Variants in SMPD4 observed in about 807,000 individuals in gnomAD.
The protein encoded by SMPD4 is neutral sphingomyelinase 3.
A neutral mutation model predicts 97.8 loss-of-function variants in SMPD4; 58 were observed. That is an observed-to-expected ratio of 0.59 (90% confidence interval 0.48 to 0.74). The LOEUF (loss-of-function observed/expected upper bound fraction) is 0.74. Among genes scored for constraint, SMPD4 ranks in the 30% least tolerant of loss-of-function variants. The pLI, the probability that SMPD4 is intolerant of heterozygous loss-of-function variation, is 0.00. For missense variants in SMPD4, 853 were observed against 1,080.5 expected, an observed-to-expected ratio of 0.79 and a Z score of 2.95; for synonymous variants, 388 against 450.0, an observed-to-expected ratio of 0.86 and a Z score of 1.74.
intron 5 of SMPD4, 86 bp downstream of exon 5, chr2:130,173,193 G>A: frequency 1.3e-5 from 17 of 1,311,950 alleles, no homozygotes; most frequent in East Asian, 2.3e-5. Flanking sequence ...TTTGCCCTCA[G>A]AGGACTGGAG....
In SMPD4 at chr2:130,179,949, G is replaced by A. The variant is rs1308558428; in HGVS notation, c.-46+1581C>T. ...ATTACAGACGTGAGTCACCATGCCC[G>A]GCCGCTTTTTCTTTTTTCTCCTTTT... On this transcript the variant is annotated intron_variant, in intron 1 of 19. Transcript: ENST00000680298. 2.0e-5 allele frequency among the ~76,000 whole-genome samples: 3 copies of A among 149,908 alleles called. 1 individual carries two copies. The highest frequency in any genetic ancestry group is 4.3e-4 in the South Asian group (2 of 4,692).
chr2:130,180,365 CG>C (rs566169868), intron 1 of SMPD4, among the ~76,000 whole-genome samples: 146 of 151,456 alleles, frequency 9.6e-4, no homozygotes, highest in African/African-American at 3.4e-3. Flanking sequence ...CTCCGCCTCG[CG>C]GGTGCAAGCA....
intron 1 of SMPD4, among the ~76,000 whole-genome samples, chr2:130,179,994 C>T (rs557178237): frequency 1.4e-5 from 2 of 140,662 alleles, no homozygotes; most frequent in Non-Finnish European, 3.0e-5. Context: ...GAGATGGTCT[C>T]GCTCTGTCGC....
intron 10 of SMPD4, among the ~76,000 whole-genome samples, chr2:130,163,877 G>A (rs1387752870): frequency 6.6e-6 from 1 of 152,240 alleles, no homozygotes; most frequent in Non-Finnish European, 1.5e-5. Flanking sequence ...CATGCAGGGG[G>A]GCACCAGGTG....
intron 9 of SMPD4, among the ~76,000 whole-genome samples, chr2:130,166,173 G>C (rs1047690702): frequency 2.0e-5 from 3 of 151,890 alleles, no homozygotes; most frequent in Admixed American, 6.6e-5. Context: ...GCTGAGCATG[G>C]CAGTGGGCAC....
At chr2:130,165,819 C>T (rs1055574730) in intron 9 of SMPD4, among the ~76,000 whole-genome samples, 5 of 152,150 alleles carry the variant, frequency 3.3e-5, no homozygotes, top group Non-Finnish European at 5.9e-5. Flanking sequence ...TCCTTTCCTG[C>T]TGGGCCTCCC....
intron 11 of SMPD4, chr2:130,159,435 T>C (rs1687170396): frequency 6.6e-6 from 1 of 151,964 alleles, no homozygotes; most frequent in Non-Finnish European, 1.5e-5. Context: ...GGTCAGGAGT[T>C]TGAGACCAGC....
chr2:130,164,504 G>A (rs1687737688), intron 9 of SMPD4, 59 bp from the exon 10 acceptor site: 3 of 1,405,906 alleles, frequency 2.1e-6, no homozygotes, highest in Non-Finnish European at 3.0e-6. Context: ...ACCATCCAGT[G>A]GGGAAAGGAC....
At chr2:130,156,762 T>A in intron 12 of SMPD4, 87 bp from the exon 13 acceptor site, 2 of 1,559,006 alleles carry the variant, frequency 1.3e-6, no homozygotes, top group Non-Finnish European at 1.7e-6. Context: ...TCAGTGAGGG[T>A]TGGCTCCGCC....
At position 130,161,235 on chromosome 2, in the gene SMPD4, G is replaced by A. The variant is rs776288070; in HGVS notation, c.902C>T (p.Ala301Val). 2.5e-6 allele frequency: 4 copies of A among 1,614,020 alleles called. No individual in the cohort carries two copies. The highest frequency in any genetic ancestry group is 2.2e-5 in the East Asian group (1 of 44,856). ...VLHYRLSVSS[A>V]LYSPAQPSLQ... Reference sequence around the variant, plus strand: ...GCTGGGTTGGGCGGGGCTGTAGAGGGCGCTGGAGACACTGAGTCGGTAGTG... The same window carrying A: ...GCTGGGTTGGGCGGGGCTGTAGAGGACGCTGGAGACACTGAGTCGGTAGTG... Residue 301 changes from alanine (A) to valine (V), a missense_variant, in exon 11 of 20, where the codon GCC (alanine) becomes GTC (valine). By Grantham distance (64) the Ala-to-Val change is moderately conservative. Coordinates refer to ENST00000680298, the MANE Select transcript of SMPD4 (RefSeq NM_017951.5).
At chr2:130,158,271 G>A in intron 11 of SMPD4, 2 of 1,283,944 alleles carry the variant, frequency 1.6e-6, no homozygotes, top group Non-Finnish European at 2.0e-6. Flanking sequence ...GGGACCTGTG[G>A]TCAGGAAAAC....
At chr2:130,176,706 G>A in intron 1 of SMPD4, 69 bp from the exon 2 acceptor site, 9 of 1,327,146 alleles carry the variant, frequency 6.8e-6, no homozygotes, top group Non-Finnish European at 9.6e-6. Flanking sequence ...TATTTTTTTA[G>A]AGACAGGGTC....
Position 130,152,493 on chromosome 2 carries a change from C to T in SMPD4, c.*62G>A. ...CCTGGAGGGGCTTCCCAGGTCCTCTCAGCCCAAGGGTGGGGCTGTGTGGCA... is the reference window on the plus strand; with the variant it reads ...CCTGGAGGGGCTTCCCAGGTCCTCTTAGCCCAAGGGTGGGGCTGTGTGGCA... On this transcript the variant is annotated 3_prime_UTR_variant, in exon 20 of 20. Transcript: ENST00000680298. 2 of 1,456,650 alleles carry T rather than the reference C, an allele frequency of 1.4e-6. No homozygotes were observed. Among genetic ancestry groups the T allele is most frequent in the Non-Finnish European group, 1.8e-6 (2 of 1,092,084 alleles). 90.2% of individuals were successfully genotyped at this position (1,456,650 alleles called of 1,614,324 possible). A position where few individuals can be genotyped will look rare whatever the true frequency, so the allele number is the denominator to read the frequency against.
intron 1 of SMPD4, among the ~76,000 whole-genome samples, chr2:130,178,101 C>T (rs1689145931): frequency 6.6e-6 from 1 of 152,194 alleles, no homozygotes; most frequent in Non-Finnish European, 1.5e-5. Context: ...GAAGCAGCTT[C>T]TTCCCTAGAG....
At chr2:130,156,767 T>G in intron 12 of SMPD4, 92 bp from the exon 13 acceptor site, 1 of 1,555,894 alleles carries the variant, frequency 6.4e-7, no homozygotes, top group Non-Finnish European at 8.7e-7. Context: ...GAGGGTTGGC[T>G]CCGCCGGGGG....
At chr2:130,173,776 T>A in intron 3 of SMPD4, 120 bp from the exon 4 acceptor site, 2 of 1,346,960 alleles carry the variant, frequency 1.5e-6, no homozygotes, top group Non-Finnish European at 2.1e-6. Context: ...CTAAGACCTA[T>A]GGGATCAGCC....
chr2:130,156,166 T>G (rs1686773595), intron 13 of SMPD4, 31 bp from the exon 14 acceptor site: 4 of 1,576,698 alleles, frequency 2.5e-6, no homozygotes, highest in Non-Finnish European at 3.5e-6. Flanking sequence ...AAGGGCTCCG[T>G]GGCTGGGGGC....
intron 10 of SMPD4, among the ~76,000 whole-genome samples, chr2:130,163,233 G>A (rs768838080): frequency 4.6e-5 from 7 of 152,248 alleles, no homozygotes; most frequent in Non-Finnish European, 8.8e-5. Flanking sequence ...CCCAGGCACC[G>A]GCCAGGAACA....
In SMPD4 at chr2:130,161,295, G is replaced by C. The variant is rs1041959628; in HGVS notation, c.865-23C>G. The C allele has an allele frequency of 1.9e-6, 3 of 1,607,300 alleles. No homozygotes were observed. In the African/African-American group the frequency reaches 4.0e-5, roughly 22 times the overall value. On this transcript the variant is annotated intron_variant, in intron 10 of 19. Coordinates refer to ENST00000680298, the MANE Select transcript of SMPD4 (RefSeq NM_017951.5). ...CAGCTGAGATAAGAAACAGAGAGAT[G>C]CCGGAAGAGGCCGAAGAGCAGAGGA...
Sources: gnomAD v4.1 joint callset for allele counts (sites outside exome capture counted in the v4.1 genomes callset) on GRCh38, gnomAD v4.1.1 for gene constraint, MANE v1.5 for transcripts, NCBI Gene and HGNC (gene_info 2026-07-23, HGNC 2026-07-21) for gene names.